The following SNAP91 variants were observed in gnomAD, a reference collection of about 807,000 sequenced individuals.
SNAP91 encodes the protein synaptosome associated protein 91, also known as clathrin coat assembly protein AP180.
A neutral mutation model predicts 100.3 loss-of-function variants in SNAP91; 27 were observed. That is an observed-to-expected ratio of 0.27 (90% confidence interval 0.20 to 0.37). SNAP91 has a LOEUF of 0.37. SNAP91 is among the 10% of genes least tolerant of loss of function. The pLI is 1.00. For synonymous variants in SNAP91, 404 were observed against 398.6 expected, an observed-to-expected ratio of 1.01 and a Z score of -0.16; for missense variants, 986 against 1,123.7, an observed-to-expected ratio of 0.88 and a Z score of 1.75.
At chr6:83,641,457 A>G (rs2097698968) in intron 7 of SNAP91, among the ~76,000 whole-genome samples, 1 of 152,214 alleles carries the variant, frequency 6.6e-6, no homozygotes, top group South Asian at 2.1e-4. Flanking sequence ...GTAGAAGAAT[A>G]TATGAATTGC....
In SNAP91 at chr6:83,667,746, C is replaced by T. The variant is rs551977554; in HGVS notation, c.131-2165G>A. Among the ~76,000 whole-genome samples the T allele has an allele frequency of 1.8e-4, 28 of 152,140 alleles. 1 individual carries two copies. Among genetic ancestry groups the T allele is most frequent in the African/African-American group, 6.7e-4 (28 of 41,546 alleles). On this transcript the variant is annotated intron_variant, in intron 2 of 29. Coordinates refer to ENST00000369694, the MANE Select transcript of SNAP91 (RefSeq NM_001242792.2). ...TGGTGTGCTGCACCCATTAACTCGT[C>T]ATGTACATTAGGTATATGCATGGGC...
At chr6:83,601,082 A>G (rs1461393312) in intron 16 of SNAP91, among the ~76,000 whole-genome samples, 189 bp downstream of exon 16, 1 of 152,216 alleles carries the variant, frequency 6.6e-6, no homozygotes, top group African/African-American at 2.4e-5. Context: ...TCTCTGCTAT[A>G]AAATTACTAA....
rs2097830144 is a variant in SNAP91 at position 83,644,261 on chromosome 6, T to C, written c.659-3059A>G. On this transcript the variant is annotated intron_variant, in intron 7 of 29. Coordinates refer to ENST00000369694, the MANE Select transcript of SNAP91 (RefSeq NM_001242792.2). Reference sequence around the variant, plus strand: ...TTAAAATTGTTTGTATCCTTCATGATAATTTAGGACTCAGCAATAAAAAGC... The same window carrying C: ...TTAAAATTGTTTGTATCCTTCATGACAATTTAGGACTCAGCAATAAAAAGC... Among the ~76,000 whole-genome samples the C allele has an allele frequency of 2.6e-5, 4 of 152,208 alleles. No individual in the cohort carries two copies. The South Asian group carries it at 8.3e-4, about 32-fold the overall frequency.
intron 26 of SNAP91, among the ~76,000 whole-genome samples, chr6:83,568,138 A>C (rs1390151575): frequency 1.3e-5 from 2 of 152,156 alleles, no homozygotes; most frequent in Non-Finnish European, 2.9e-5. Context: ...AATGTGGCAC[A>C]TATACACCAT....
At chr6:83,561,020 C>G (rs1377320276) in intron 26 of SNAP91, 73 bp from the exon 27 acceptor site, 2 of 941,826 alleles carry the variant, frequency 2.1e-6, no homozygotes, top group African/African-American at 3.4e-5. Context: ...AATAAACAAA[C>G]AAAAAGAACA....
chr6:83,662,239 C>T (rs1460907693), intron 4 of SNAP91, 108 bp downstream of exon 4: 5 of 376,868 alleles, frequency 1.3e-5, no homozygotes, highest in African/African-American at 8.5e-5. Context: ...ATTATTTTTA[C>T]ATTCTTAAAT....
rs1005013200 is a variant in SNAP91, at chr6:83,554,168, A to C, written c.*128T>G. ...TCACGGCTGTGTTACACATTTTGGA[A>C]GAGAAGTTATGAGTAAGTATTGGGT... is the stretch of plus-strand genomic sequence containing the variant. On this transcript the variant is annotated 3_prime_UTR_variant, in exon 30 of 30. Transcript: ENST00000369694. 8 of 179,672 alleles carry C rather than the reference A, an allele frequency of 4.5e-5. No homozygotes were observed. Among genetic ancestry groups the C allele is most frequent in the Non-Finnish European group, 7.2e-5 (6 of 82,854 alleles). 11.1% of individuals were successfully genotyped at this position (179,672 alleles called of 1,614,324 possible).
chr6:83,614,980 T>C (rs562425723), intron 10 of SNAP91, 118 bp from the exon 11 acceptor site: 3 of 722,964 alleles, frequency 4.1e-6, no homozygotes, highest in African/African-American at 3.6e-5. Context: ...TTTTAGCCAA[T>C]TCAGAAGAGA....
chr6:83,674,324 C>T (rs1407743134), intron 2 of SNAP91, among the ~76,000 whole-genome samples: 2 of 152,030 alleles, frequency 1.3e-5, no homozygotes, highest in African/African-American at 4.8e-5. Flanking sequence ...ATCCCAGCTA[C>T]TTGGGAGGCT....
intron 2 of SNAP91, among the ~76,000 whole-genome samples, chr6:83,687,693 G>C (rs2099078483): frequency 6.6e-6 from 1 of 152,150 alleles, no homozygotes; most frequent in African/African-American, 2.4e-5. Flanking sequence ...ACTTTGTTGG[G>C]AACGGGAGAA....
intron 2 of SNAP91, among the ~76,000 whole-genome samples, chr6:83,682,762 T>G (rs1587362178): frequency 7.8e-6 from 1 of 128,136 alleles, no homozygotes; most frequent in African/African-American, 3.1e-5. Context: ...GTCCCCAGAG[T>G]GTGATGTTCC....
At chr6:83,621,154 TTCTGTGTG>T (rs2096712094) in intron 9 of SNAP91, among the ~76,000 whole-genome samples, 1 of 152,192 alleles carries the variant, frequency 6.6e-6, no homozygotes. Context: ...TGTTGTTCAC[TTCTGTGTG>T]TCATATATAC....
chr6:83,691,279 T>C (rs926780574), intron 2 of SNAP91, among the ~76,000 whole-genome samples: 11 of 152,098 alleles, frequency 7.2e-5, no homozygotes, highest in Admixed American at 7.2e-4. Flanking sequence ...AAATGTAAAA[T>C]TTAAAATGAT....
chr6:83,696,825 C>T (rs752571644), intron 2 of SNAP91, among the ~76,000 whole-genome samples: 7 of 152,058 alleles, frequency 4.6e-5, no homozygotes, highest in Non-Finnish European at 8.8e-5. Flanking sequence ...TCTCTGATGC[C>T]AAAGGCCATG....
chr6:83,568,675 T>C (rs933247611), intron 26 of SNAP91, among the ~76,000 whole-genome samples: 2 of 152,134 alleles, frequency 1.3e-5, no homozygotes, highest in Non-Finnish European at 2.9e-5. Context: ...AAAAGTGTTA[T>C]AGCTACACCT....
chr6:83,659,750 A>G (rs576284717), intron 5 of SNAP91, among the ~76,000 whole-genome samples: 1 of 151,648 alleles, frequency 6.6e-6, no homozygotes, highest in East Asian at 2.0e-4. Flanking sequence ...AGCTTTCAAA[A>G]AAGCCAGTTT....
intron 22 of SNAP91, 115 bp downstream of exon 22, chr6:83,591,096 T>A: frequency 1.5e-6 from 1 of 670,330 alleles, no homozygotes; most frequent in South Asian, 1.8e-5. Context: ...CTCAATTTTA[T>A]GTCTTGAAAG....
At chr6:83,617,469 G>A (rs987518227) in intron 9 of SNAP91, among the ~76,000 whole-genome samples, 1 of 151,828 alleles carries the variant, frequency 6.6e-6, no homozygotes, top group Admixed American at 6.6e-5. Flanking sequence ...ACTTATCTAT[G>A]TTTGTCTGAA....
intron 26 of SNAP91, among the ~76,000 whole-genome samples, chr6:83,563,358 A>C (rs151215853): frequency 1.3e-5 from 2 of 152,110 alleles, no homozygotes. Context: ...TACTCAACGA[A>C]CTAGAAAAGC....
Sources: gnomAD v4.1 joint callset for allele counts (sites outside exome capture counted in the v4.1 genomes callset) on GRCh38, gnomAD v4.1.1 for gene constraint, MANE v1.5 for transcripts, NCBI Gene and HGNC (gene_info 2026-07-23, HGNC 2026-07-21) for gene names.